Variants in NKAIN3 observed in about 807,000 individuals in gnomAD.
The protein encoded by NKAIN3 is sodium/potassium-transporting ATPase subunit beta-1-interacting protein 3.
In NKAIN3, 25 loss-of-function variants were observed where a neutral mutation model predicts 30.2. The ratio of observed to expected loss-of-function variants is 0.83; its 90% CI spans 0.60 to 1.16. The LOEUF is 1.16. Ranked by LOEUF, NKAIN3 falls within the 50% of genes most tolerant of loss-of-function variation. The probability of loss-of-function intolerance (pLI) is 0.00; values close to 1 mark genes in which losing one functional copy is unlikely to be tolerated. For synonymous variants in NKAIN3, 91 were observed against 89.6 expected (o/e 1.02, Z -0.09); for missense variants, 225 against 254.1 (o/e 0.89, Z 0.78).
intron 4 of NKAIN3, among the ~76,000 whole-genome samples, chr8:62,890,451 C>T (rs1334732803): frequency 6.6e-6 from 1 of 152,180 alleles, no homozygotes; most frequent in African/African-American, 2.4e-5. Context: ...TCTGTTCAGG[C>T]CAGTTCTTCC....
At chr8:62,905,610 G>C (rs963099829) in intron 4 of NKAIN3, among the ~76,000 whole-genome samples, 1 of 151,872 alleles carries the variant, frequency 6.6e-6, no homozygotes, top group African/African-American at 2.4e-5. Context: ...TCGGATTTTT[G>C]CCCTTCTCTC....
chr8:62,778,175 T>C (rs1298260125), intron 4 of NKAIN3, among the ~76,000 whole-genome samples: 2 of 152,058 alleles, frequency 1.3e-5, no homozygotes, highest in African/African-American at 4.8e-5. Context: ...ACTGAGTCTC[T>C]CCCACAGCCC....
At chr8:62,745,282 C>A (rs1816031229) in intron 3 of NKAIN3, among the ~76,000 whole-genome samples, 1 of 152,232 alleles carries the variant, frequency 6.6e-6, no homozygotes, top group South Asian at 2.1e-4. Context: ...AGTTGTGCTG[C>A]ATAGTCTGCG....
At chr8:62,891,174 A>G (rs1821286737) in intron 4 of NKAIN3, among the ~76,000 whole-genome samples, 1 of 152,194 alleles carries the variant, frequency 6.6e-6, no homozygotes, top group South Asian at 2.1e-4. Flanking sequence ...CCCACCGTCA[A>G]TGTGGGTGGG....
chr8:62,496,091 C>A (rs1213367650), intron 1 of NKAIN3, among the ~76,000 whole-genome samples: 3 of 151,852 alleles, frequency 2.0e-5, no homozygotes, highest in Non-Finnish European at 4.4e-5. Flanking sequence ...GATCATCATG[C>A]CCTATTAATT....
At chr8:62,787,529 T>A (rs1389004784) in intron 4 of NKAIN3, among the ~76,000 whole-genome samples, 3 of 152,136 alleles carry the variant, frequency 2.0e-5, no homozygotes, top group Admixed American at 6.6e-5. Context: ...CCTCTTTTTT[T>A]AAAATTATTA....
At chr8:62,928,063 A>G (rs1166188392) in intron 5 of NKAIN3, among the ~76,000 whole-genome samples, 2 of 152,168 alleles carry the variant, frequency 1.3e-5, no homozygotes, top group Admixed American at 6.5e-5. Context: ...GTACTTTACT[A>G]AGAAAAAAAT....
chr8:62,739,657 G>T (rs192524498), intron 3 of NKAIN3, among the ~76,000 whole-genome samples: 157 of 152,190 alleles, frequency 1.0e-3, no homozygotes, highest in Non-Finnish European at 1.9e-3. Flanking sequence ...GATGGATAAG[G>T]CTTCATTGCT....
chr8:62,539,613 A>G (rs1376711861), intron 1 of NKAIN3, among the ~76,000 whole-genome samples: 1 of 152,064 alleles, frequency 6.6e-6, no homozygotes, highest in Non-Finnish European at 1.5e-5. Flanking sequence ...TGTTTTTGAG[A>G]CGGTCTTGCT....
intron 4 of NKAIN3, among the ~76,000 whole-genome samples, chr8:62,819,154 T>TATATATATATATATATATATATATAC (rs1184020630): frequency 6.7e-4 from 22 of 32,680 alleles, no homozygotes; most frequent in African/African-American, 1.7e-3. Context: ...TATATATACA[T>TATATATATATATATATATATATATAC]ATATATATAT....
chr8:62,803,823 G>T (rs9801935), intron 4 of NKAIN3, among the ~76,000 whole-genome samples: 26,388 of 151,970 alleles, frequency 0.17, 2,477 homozygotes, highest in East Asian at 0.29. Context: ...ATGAATCCAG[G>T]AGCTGGTTTT....
At chr8:62,479,296 C>T (rs1347916854) in intron 1 of NKAIN3, among the ~76,000 whole-genome samples, 1 of 152,136 alleles carries the variant, frequency 6.6e-6, no homozygotes, top group Non-Finnish European at 1.5e-5. Context: ...CTGACAGGTA[C>T]TCTACCTACA....
chr8:62,716,496 C>G lies in NKAIN3; in HGVS notation c.274-30436C>G, dbSNP rs73685505. On this transcript the variant is annotated intron_variant, in intron 3 of 6. Coordinates refer to ENST00000623646, the MANE Select transcript of NKAIN3 (RefSeq NM_001304533.3). ...CTATGTGGATCACTAACCCATGACA[C>G]TGACATCTTAGTTATAAAAGTGAGC... Among the ~76,000 whole-genome samples the G allele has an allele frequency of 9.9e-3, 1,504 of 152,240 alleles. 24 individuals carry two copies. The highest frequency in any genetic ancestry group is 0.034 in the African/African-American group (1,425 of 41,548).
At chr8:62,469,523 A>G (rs560975047) in intron 1 of NKAIN3, among the ~76,000 whole-genome samples, 2 of 152,300 alleles carry the variant, frequency 1.3e-5, no homozygotes, top group Admixed American at 6.5e-5. Context: ...GTGCGGACAC[A>G]GAGAAGACCT....
chr8:62,891,208 C>T (rs974707488), intron 4 of NKAIN3, among the ~76,000 whole-genome samples: 17 of 152,264 alleles, frequency 1.1e-4, no homozygotes, highest in African/African-American at 2.6e-4. Context: ...ACTGCTAGCA[C>T]GGCTGCAATA....
At chr8:62,859,204 CA>C (rs147987403) in intron 4 of NKAIN3, among the ~76,000 whole-genome samples, 1,755 of 152,200 alleles carry the variant, frequency 0.012, 33 homozygotes, top group African/African-American at 0.04. Flanking sequence ...GTGTCACACC[CA>C]GGTGGGCCAT....
chr8:62,924,506 T>C (rs1822378592), intron 5 of NKAIN3, among the ~76,000 whole-genome samples: 2 of 152,198 alleles, frequency 1.3e-5, no homozygotes, highest in African/African-American at 4.8e-5. Context: ...GTAAGATGAT[T>C]AGGGTTTCCA....
chr8:62,261,997 CTTAGA>C (rs945321666), intron 1 of NKAIN3, among the ~76,000 whole-genome samples: 1 of 151,940 alleles, frequency 6.6e-6, no homozygotes, highest in African/African-American at 2.4e-5. Context: ...TGTGTGTGAT[CTTAGA>C]TTAGATCTTA....
chr8:62,865,753 T>C (rs767176632), intron 4 of NKAIN3, among the ~76,000 whole-genome samples: 1 of 152,234 alleles, frequency 6.6e-6, no homozygotes, highest in Non-Finnish European at 1.5e-5. Context: ...TGTTATCTTC[T>C]GGCAAAGGGA....
Sources: allele counts gnomAD v4.1 joint callset (sites outside exome capture counted in the v4.1 genomes callset), GRCh38; gene constraint gnomAD v4.1.1; transcripts MANE v1.5; gene names NCBI Gene and HGNC (gene_info 2026-07-23, HGNC 2026-07-21).